Variants in DNAAF1 observed in about 807,000 individuals in gnomAD.
DNAAF1 encodes dynein axonemal assembly factor 1, also known as dynein assembly factor 1, axonemal.
A neutral mutation model predicts 71.1 loss-of-function variants in DNAAF1; 65 were observed. The ratio of observed to expected loss-of-function variants is 0.91; its 90% confidence interval spans 0.75 to 1.12. The LOEUF is 1.12. Among genes scored for constraint, DNAAF1 ranks in the 50% most tolerant of loss-of-function variants. DNAAF1 has a pLI of 0.00. For missense variants in DNAAF1, 1,178 were observed against 899.8 expected (o/e 1.31, Z -3.96); for synonymous variants, 414 against 354.6 (o/e 1.17, Z -1.88).
At chr16:84,175,201 C>T (rs1299027945) in intron 10 of DNAAF1, 3 of 221,926 alleles carry the variant, frequency 1.4e-5, no homozygotes, top group Non-Finnish European at 2.7e-5. Context: ...GCCATTTGTT[C>T]TTGTTCAATT....
chr16:84,172,758 T>G, intron 9 of DNAAF1: 1 of 1,147,744 alleles, frequency 8.7e-7, no homozygotes, highest in Non-Finnish European at 1.1e-6. Context: ...TATCATCAGT[T>G]ACATTGTATC....
At chr16:84,160,891 C>T (rs575024602) in intron 6 of DNAAF1, among the ~76,000 whole-genome samples, 1 of 150,736 alleles carries the variant, frequency 6.6e-6, no homozygotes, top group Non-Finnish European at 1.5e-5. Flanking sequence ...GAGCTGAGAT[C>T]GCGCCACTGC....
intron 7 of DNAAF1, among the ~76,000 whole-genome samples, chr16:84,167,021 C>A (rs566882346): frequency 3.3e-5 from 5 of 152,090 alleles, no homozygotes; most frequent in African/African-American, 1.2e-4. Context: ...GCAATGGTCT[C>A]GCAAGATGAC....
intron 4 of DNAAF1, 118 bp downstream of exon 4, chr16:84,154,916 TG>T: frequency 3.2e-6 from 3 of 947,368 alleles, no homozygotes; most frequent in Admixed American, 2.1e-5. Flanking sequence ...GTCTTTTTTT[TG>T]TTTTTTTTTG....
At chr16:84,172,237 C>A in intron 8 of DNAAF1, 23 bp from the exon 9 acceptor site, 3 of 1,611,382 alleles carry the variant, frequency 1.9e-6, no homozygotes, top group Non-Finnish European at 2.5e-6. Context: ...AAACTAACTC[C>A]AAGACTTGTT....
At chr16:84,166,373 T>TC (rs2087996699) in intron 7 of DNAAF1, among the ~76,000 whole-genome samples, 1 of 115,504 alleles carries the variant, frequency 8.7e-6, no homozygotes, top group African/African-American at 3.2e-5. Context: ...TTTTTTTCTT[T>TC]TTTTTTTTTT....
chr16:84,175,859 A>G (rs1428454993), intron 10 of DNAAF1, 74 bp from the exon 11 acceptor site: 1 of 1,555,454 alleles, frequency 6.4e-7, no homozygotes, highest in Non-Finnish European at 8.8e-7. Flanking sequence ...AAAAAGCAGA[A>G]CTGGCATGGT....
At chr16:84,172,134 C>T (rs535489331) in intron 8 of DNAAF1, 126 bp from the exon 9 acceptor site, 44 of 876,060 alleles carry the variant, frequency 5.0e-5, no homozygotes, top group South Asian at 3.1e-4. Flanking sequence ...ACCTTGGCCC[C>T]CCAAAGTGTT....
At chr16:84,159,829 A>C in intron 6 of DNAAF1, 33 bp downstream of exon 6, 1 of 1,611,318 alleles carries the variant, frequency 6.2e-7, no homozygotes, top group Non-Finnish European at 8.5e-7. Context: ...ATCACATTTT[A>C]ATATTTAGTA....
At chr16:84,146,869 C>T (rs763244463) in intron 1 of DNAAF1, among the ~76,000 whole-genome samples, 5 of 152,184 alleles carry the variant, frequency 3.3e-5, no homozygotes, top group South Asian at 2.1e-4. Context: ...AGTTTCTGAA[C>T]GCAGGCAACA....
intron 5 of DNAAF1, chr16:84,159,219 G>C (rs1330095160): frequency 1.9e-5 from 20 of 1,038,472 alleles, no homozygotes; most frequent in Non-Finnish European, 2.2e-5. Context: ...GAGGTAAGCG[G>C]GCACTCCCCA....
At chr16:84,177,675 G>C in intron 11 of DNAAF1, 54 bp from the exon 12 acceptor site, 2 of 1,509,010 alleles carry the variant, frequency 1.3e-6, no homozygotes, top group Non-Finnish European at 1.8e-6. Context: ...CTGCCCCCCT[G>C]TCCTTGCAGT....
intron 1 of DNAAF1, among the ~76,000 whole-genome samples, chr16:84,146,119 G>C (rs1366361094): frequency 6.6e-6 from 1 of 151,434 alleles, no homozygotes; most frequent in South Asian, 2.1e-4. Flanking sequence ...AAACAAACAA[G>C]CAAACAAAAC....
At chr16:84,161,714 C>T (rs764116687) in intron 6 of DNAAF1, among the ~76,000 whole-genome samples, 1 of 151,630 alleles carries the variant, frequency 6.6e-6, no homozygotes, top group African/African-American at 2.4e-5. Context: ...AATTGTTTGA[C>T]ACTGGGCACT....
intron 11 of DNAAF1, chr16:84,176,648 AG>A (rs2088685401): frequency 3.1e-5 from 12 of 383,140 alleles, no homozygotes; most frequent in Admixed American, 7.3e-5. Context: ...CCCTGGCCTC[AG>A]CCTTTCTAGA....
intron 7 of DNAAF1, among the ~76,000 whole-genome samples, chr16:84,168,729 T>A (rs2088155113): frequency 6.6e-6 from 1 of 152,134 alleles, no homozygotes; most frequent in Non-Finnish European, 1.5e-5. Flanking sequence ...TGTTAAAAAT[T>A]TTCAGAAAAG....
At chr16:84,172,734 T>G in intron 9 of DNAAF1, 1 of 1,173,464 alleles carries the variant, frequency 8.5e-7, no homozygotes, top group Non-Finnish European at 1.1e-6. Flanking sequence ...AAATTCGTGG[T>G]GAGAGTTACA....
chr16:84,175,785 A>T, intron 10 of DNAAF1, 148 bp from the exon 11 acceptor site: 2 of 1,021,520 alleles, frequency 2.0e-6, no homozygotes, highest in Non-Finnish European at 3.0e-6. Flanking sequence ...CCTAACTTTC[A>T]GAGTCCTGTG....
chr16:84,177,667 GCC>G lies in DNAAF1; in HGVS notation c.2066-57_2066-56del, dbSNP rs1446072276. On this transcript the variant is annotated intron_variant, in intron 11 of 11. Transcript: ENST00000378553. Reference sequence around the variant, plus strand: ...TTGGCCTGGACTGAACCCCAAGGCTGCCCCCCTGTCCTTGCAGTCACAGTGAC... The same window carrying G: ...TTGGCCTGGACTGAACCCCAAGGCTGCCCCTGTCCTTGCAGTCACAGTGAC... 37 of 1,433,180 alleles carry G rather than the reference GCC, an allele frequency of 2.6e-5. No homozygotes were observed. In the Admixed American group the frequency reaches 2.8e-4, roughly 11 times the overall value. 88.8% of individuals were successfully genotyped at this position (1,433,180 alleles called of 1,614,324 possible).
Sources: allele counts gnomAD v4.1 joint callset (sites outside exome capture counted in the v4.1 genomes callset), GRCh38; gene constraint gnomAD v4.1.1; transcripts MANE v1.5; gene names NCBI Gene and HGNC (gene_info 2026-07-23, HGNC 2026-07-21).